The following OSBPL8 variants were observed in gnomAD, a reference collection of about 807,000 sequenced individuals.
OSBPL8 encodes oxysterol-binding protein-related protein 8.
In OSBPL8, 59 loss-of-function variants were observed where a neutral mutation model predicts 125.5. The ratio of observed to expected loss-of-function variants is 0.47; its 90% confidence interval spans 0.38 to 0.58. OSBPL8 has a LOEUF of 0.58. OSBPL8 is among the 20% of genes least tolerant of loss of function. The probability of loss-of-function intolerance (pLI) is 0.00; values close to 1 mark genes in which losing one functional copy is unlikely to be tolerated. For missense variants in OSBPL8, 758 were observed against 1,047.8 expected (o/e 0.72, Z 3.82); for synonymous variants, 330 against 338.9 (o/e 0.97, Z 0.29).
intron 1 of OSBPL8, among the ~76,000 whole-genome samples, chr12:76,505,665 C>A (rs1592809107): frequency 6.6e-6 from 1 of 151,696 alleles, no homozygotes; most frequent in African/African-American, 2.4e-5. Context: ...AGGGGGTGAG[C>A]AATTCAAATG....
chr12:76,401,613 C>A (rs557796843), intron 6 of OSBPL8, among the ~76,000 whole-genome samples: 1 of 152,122 alleles, frequency 6.6e-6, no homozygotes, highest in East Asian at 1.9e-4. Context: ...AACTAGCTCC[C>A]AAAGCTATTT....
chr12:76,371,199 T>C (rs1419281958), intron 19 of OSBPL8: 1 of 263,930 alleles, frequency 3.8e-6, no homozygotes, highest in African/African-American at 2.2e-5. Flanking sequence ...TCTTTCTTTC[T>C]TTTTTTTTAA....
intron 4 of OSBPL8, among the ~76,000 whole-genome samples, chr12:76,427,651 T>A (rs2136544911): frequency 6.6e-6 from 1 of 152,200 alleles, no homozygotes; most frequent in South Asian, 2.1e-4. Flanking sequence ...ACCTTTGTGA[T>A]TTCAATTTAA....
In OSBPL8 at chr12:76,390,438, G is replaced by C. The variant is rs1460288163; in HGVS notation, c.1149C>G (p.Ser383Arg). ...PLKETTYTEQSHEELGEAGEA... is the reference protein window; with the variant it reads ...PLKETTYTEQRHEELGEAGEA... ...CTTTTACCTCTCCAAGTTCTTCATG[G>C]CTCTGTTCAGTGTAGGTAGTCTCCT... The change falls in exon 11 of 24, where the codon AGC becomes AGG. Residue 383 changes from serine to arginine, a missense_variant. Physicochemically the swap from Ser to Arg is moderately radical, Grantham distance 110 (BLOSUM62 -1). Coordinates refer to ENST00000261183, the MANE Select transcript of OSBPL8 (RefSeq NM_020841.5). 1 of 1,612,030 alleles carries C rather than the reference G, an allele frequency of 6.2e-7. No individual in the cohort carries two copies. The highest frequency in any genetic ancestry group is 8.5e-7 in the Non-Finnish European group (1 of 1,178,682).
At chr12:76,381,384 A>G (rs1285807595) in intron 15 of OSBPL8, among the ~76,000 whole-genome samples, 1 of 152,194 alleles carries the variant, frequency 6.6e-6, no homozygotes, top group East Asian at 1.9e-4. Flanking sequence ...GAAATATTTT[A>G]CATTACTAAA....
chr12:76,361,461 C>T (rs1357421106), intron 21 of OSBPL8, among the ~76,000 whole-genome samples: 1 of 152,182 alleles, frequency 6.6e-6, no homozygotes, highest in African/African-American at 2.4e-5. Context: ...TTCTTCTGAG[C>T]CCTCCAAACT....
Position 76,371,434 on chromosome 12 carries a change from A to AAC in OSBPL8, c.2054+12_2054+13dup, listed in dbSNP as rs769555558. 1 of 1,586,436 alleles carries AAC rather than the reference A, an allele frequency of 6.3e-7. No individual in the cohort carries two copies. Among genetic ancestry groups the AAC allele is most frequent in the South Asian group, 1.2e-5 (1 of 85,346 alleles). On this transcript the variant is annotated intron_variant, in intron 19 of 23. Coordinates refer to ENST00000261183, the MANE Select transcript of OSBPL8 (RefSeq NM_020841.5). Reference sequence around the variant, plus strand: ...CTGATCCTCATGAAGTTAGCTGTAAAACAGTATACTTACTTCTCTGATTCA... The same window carrying AAC: ...CTGATCCTCATGAAGTTAGCTGTAAAACACAGTATACTTACTTCTCTGATTCA...
At position 76,500,470 on chromosome 12, in the gene OSBPL8, A is replaced by G. The variant is rs557688889; in HGVS notation, c.-67-12852T>C. On this transcript the variant is annotated intron_variant, in intron 1 of 23. Coordinates refer to ENST00000261183, the MANE Select transcript of OSBPL8 (RefSeq NM_020841.5). ...GTATTCTCTTGATTCTTGAACTTCC[A>G]AAGTTCATATATCACTTAATACTAT... Among the ~76,000 whole-genome samples, 5 of 152,344 alleles carry G rather than the reference A, an allele frequency of 3.3e-5. No homozygotes were observed. The South Asian group carries it at 1.0e-3, about 32-fold the overall frequency.
intron 4 of OSBPL8, among the ~76,000 whole-genome samples, chr12:76,413,326 G>A (rs1172898634): frequency 6.6e-6 from 1 of 152,152 alleles, no homozygotes; most frequent in Non-Finnish European, 1.5e-5. Flanking sequence ...TTACTAGCGT[G>A]TCACAGCAGG....
intron 4 of OSBPL8, among the ~76,000 whole-genome samples, chr12:76,425,543 A>T (rs952996026): frequency 2.0e-5 from 3 of 152,148 alleles, no homozygotes; most frequent in Non-Finnish European, 4.4e-5. Flanking sequence ...TCCAATATAA[A>T]AGAGGTGTCA....
At position 76,392,653 on chromosome 12, in the gene OSBPL8, G is replaced by C. The variant is rs1241263184; in HGVS notation, c.857C>G (p.Ser286Ter). ...REGKEHDLSV[S>*]SDSTHVTFYG... Reference sequence around the variant, plus strand: ...GAAAGTCACATGTGTGCTATCTGATGAAACGCTCAGGTCATGTTCCTTTCC... The same window carrying C: ...GAAAGTCACATGTGTGCTATCTGATCAAACGCTCAGGTCATGTTCCTTTCC... Residue 286 changes from serine to a stop codon, truncating the protein, a stop_gained, in exon 10 of 24, where the codon TCA becomes TGA. Transcript: ENST00000261183. LOFTEE classifies it high-confidence loss of function. 2 of 1,613,926 alleles carry C rather than the reference G, an allele frequency of 1.2e-6. No homozygotes were observed. Among genetic ancestry groups the C allele is most frequent in the Admixed American group, 3.3e-5 (2 of 60,002 alleles).
At chr12:76,482,336 A>G (rs1054167831) in intron 2 of OSBPL8, among the ~76,000 whole-genome samples, 1 of 152,248 alleles carries the variant, frequency 6.6e-6, no homozygotes, top group Non-Finnish European at 1.5e-5. Flanking sequence ...AAGATAGGCC[A>G]GGTGCAGTGG....
intron 21 of OSBPL8, among the ~76,000 whole-genome samples, chr12:76,368,552 G>A (rs1283013039): frequency 6.6e-6 from 1 of 152,000 alleles, no homozygotes; most frequent in African/African-American, 2.4e-5. Flanking sequence ...GGTGTCCCAT[G>A]GGTCCTTTAG....
At chr12:76,429,099 G>A (rs973194337) in intron 4 of OSBPL8, among the ~76,000 whole-genome samples, 1 of 151,940 alleles carries the variant, frequency 6.6e-6, no homozygotes, top group African/African-American at 2.4e-5. Flanking sequence ...AAACATTGCT[G>A]TAGATTCTCC....
At chr12:76,376,259 C>A (rs1054489918) in intron 16 of OSBPL8, among the ~76,000 whole-genome samples, 3 of 152,188 alleles carry the variant, frequency 2.0e-5, no homozygotes, top group Non-Finnish European at 2.9e-5. Context: ...CTGGGTTTAA[C>A]AAAGCTAAAC....
intron 4 of OSBPL8, among the ~76,000 whole-genome samples, chr12:76,445,238 T>C (rs1845057847): frequency 2.0e-5 from 3 of 152,086 alleles, no homozygotes; most frequent in Admixed American, 6.6e-5. Context: ...AAAGTAAGAA[T>C]AAAAATCAAG....
At chr12:76,497,925 G>GT (rs1455215375) in intron 1 of OSBPL8, among the ~76,000 whole-genome samples, 1 of 152,068 alleles carries the variant, frequency 6.6e-6, no homozygotes, top group Non-Finnish European at 1.5e-5. Context: ...TATATAGATT[G>GT]TTTTTGTTGA....
chr12:76,487,030 T>C (rs1270717281), intron 2 of OSBPL8, among the ~76,000 whole-genome samples: 1 of 145,412 alleles, frequency 6.9e-6, no homozygotes, highest in Non-Finnish European at 1.5e-5. Flanking sequence ...CATTTTTTTT[T>C]TTTTTTTTTT....
intron 1 of OSBPL8, among the ~76,000 whole-genome samples, chr12:76,515,598 G>A (rs908225166): frequency 2.6e-5 from 4 of 152,148 alleles, no homozygotes. Flanking sequence ...CCCCTTGAGT[G>A]CTGGTTGTAG....
Sources: allele counts gnomAD v4.1 joint callset (sites outside exome capture counted in the v4.1 genomes callset), GRCh38; gene constraint gnomAD v4.1.1; transcripts MANE v1.5; gene names NCBI Gene and HGNC (gene_info 2026-07-23, HGNC 2026-07-21).